The following PACS2 variants were observed in gnomAD, a reference collection of about 807,000 sequenced individuals.
PACS2 encodes phosphofurin acidic cluster sorting protein 2, also known as PACS1-like protein.
Under a neutral mutation model 113.0 loss-of-function variants are expected in PACS2, and 36 were observed. That is an observed-to-expected ratio of 0.32 (90% confidence interval 0.24 to 0.42). The LOEUF (loss-of-function observed/expected upper bound fraction) is 0.42, where lower values mean the gene tolerates loss of function less well. PACS2 is among the 10% of genes least tolerant of loss of function. PACS2 has a pLI of 1.00. For missense variants in PACS2, 1,015 were observed against 1,239.5 expected (o/e 0.82, Z 2.72); for synonymous variants, 589 against 536.1 (o/e 1.10, Z -1.36).
chr14:105,372,605 C>CT (rs1555409605), intron 8 of PACS2: 1 of 152,090 alleles, frequency 6.6e-6, no homozygotes, highest in Non-Finnish European at 1.5e-5. Context: ...CTGAAAGGTA[C>CT]TGTTAAAAGA....
intron 1 of PACS2, among the ~76,000 whole-genome samples, chr14:105,318,980 C>A (rs1394809800): frequency 6.7e-6 from 1 of 149,316 alleles, no homozygotes; most frequent in Non-Finnish European, 1.5e-5. Context: ...TTTTGAGAAG[C>A]TCTGTCGCCC....
chr14:105,362,366 G>A lies in PACS2; in HGVS notation c.424-4847G>A, dbSNP rs10152000. Among the ~76,000 whole-genome samples, 469 of 147,598 alleles carry A rather than the reference G, an allele frequency of 3.2e-3. 3 individuals are homozygous for A. Among genetic ancestry groups the A allele is most frequent in the Non-Finnish European group, 5.2e-3 (346 of 67,058 alleles). ...CTGGAGGTGGAGCTTGCAGTGAGCC[G>A]AGATCGCGCCACTGCACTCCAGCCT... On this transcript the variant is annotated intron_variant, in intron 4 of 24. Transcript: ENST00000447393.
At chr14:105,347,415 C>G (rs1454829699) in intron 1 of PACS2, among the ~76,000 whole-genome samples, 1 of 152,158 alleles carries the variant, frequency 6.6e-6, no homozygotes, top group Non-Finnish European at 1.5e-5. Context: ...CACGTGGCGG[C>G]CACTGTGGCA....
Position 105,383,435 on chromosome 14 carries a change from C to G in PACS2, c.1702C>G (p.Leu568Val), listed in dbSNP as rs142789946. 1 of 1,609,696 alleles carries G rather than the reference C, an allele frequency of 6.2e-7. No individual in the cohort carries two copies. Among genetic ancestry groups the G allele is most frequent in the Non-Finnish European group, 8.5e-7 (1 of 1,179,824 alleles). Reference protein sequence around the residue: ...AGAQHYLSAILRLFVEQLSHK... With the variant: ...AGAQHYLSAIVRLFVEQLSHK... ...AGCGCAGCATTACCTCAGTGCCATC[C>G]TGCGGCTCTTTGTGGAGCAGCTGTC... is the stretch of plus-strand genomic sequence containing the variant. The change falls in exon 16 of 25, where the codon CTG (leucine) becomes GTG (valine). Residue 568 changes from leucine (L) to valine (V), a missense_variant. Leu to Val is a conservative substitution (Grantham distance 32). This residue lies in a region of PACS2 where 859 missense variants were observed against 1,056.8 expected (regional missense o/e 0.81). Coordinates refer to ENST00000447393, the MANE Select transcript of PACS2 (RefSeq NM_001100913.3).
chr14:105,365,741 C>G lies in PACS2; in HGVS notation c.424-1472C>G, dbSNP rs1729561387. ...CCCAGCAAGGGCTCAGCATTTCTGACCGAGGGCTTCTGAGCTTCCAGGTTC... is the reference window on the plus strand; with the variant it reads ...CCCAGCAAGGGCTCAGCATTTCTGAGCGAGGGCTTCTGAGCTTCCAGGTTC... On this transcript the variant is annotated intron_variant, in intron 4 of 24. Transcript: ENST00000447393. The surrounding 1 kb of genome is among the most constrained non-coding windows in gnomAD (Gnocchi z 5.1). 6.6e-6 allele frequency among the ~76,000 whole-genome samples: 1 copy of G among 152,184 alleles called. No homozygotes were observed. Among genetic ancestry groups the G allele is most frequent in the African/African-American group, 2.4e-5 (1 of 41,448 alleles).
At chr14:105,342,658 G>T (rs2059777939) in intron 1 of PACS2, among the ~76,000 whole-genome samples, 1 of 151,968 alleles carries the variant, frequency 6.6e-6, no homozygotes, top group Non-Finnish European at 1.5e-5. Context: ...GGTAGGCCAG[G>T]CGCAGTGGCT....
upstream of PACS2, among the ~76,000 whole-genome samples, chr14:105,311,125 T>A (rs2058340914): frequency 6.6e-6 from 1 of 152,074 alleles, no homozygotes; most frequent in African/African-American, 2.4e-5. Flanking sequence ...ACTAATTTTT[T>A]GTATTTTTAG....
rs1433485973 is a variant in PACS2, at chr14:105,315,655, C to T, written c.119+618C>T. The T allele has an allele frequency of 6.6e-6, 1 of 152,280 alleles. No individual in the cohort carries two copies. Among genetic ancestry groups the T allele is most frequent in the African/African-American group, 2.4e-5 (1 of 41,466 alleles). 9.4% of individuals were successfully genotyped at this position (152,280 alleles called of 1,614,324 possible). ...ATTGCGGAAGACTGGCTGTTCTGCA[C>T]TTGGTAGGGGGGCGCCCGGTCGCCC... On this transcript the variant is annotated intron_variant, in intron 1 of 24. Coordinates refer to ENST00000447393, the MANE Select transcript of PACS2 (RefSeq NM_001100913.3). This position sits in a 1 kb window ranked among gnomAD's most constrained non-coding sequence, Gnocchi z 4.4.
intron 1 of PACS2, among the ~76,000 whole-genome samples, chr14:105,326,745 G>A (rs1325090852): frequency 6.6e-6 from 1 of 152,216 alleles, no homozygotes; most frequent in East Asian, 1.9e-4. Context: ...CCACCCTGAG[G>A]TCTGGGCTCT....
At chr14:105,359,634 C>T (rs1201506544) in intron 4 of PACS2, among the ~76,000 whole-genome samples, 1 of 144,102 alleles carries the variant, frequency 6.9e-6, no homozygotes, top group African/African-American at 2.6e-5. Flanking sequence ...CTCTGTCGCC[C>T]AGGCTGGAGT....
intron 15 of PACS2, 72 bp from the exon 16 acceptor site, chr14:105,383,287 G>C: frequency 6.5e-7 from 1 of 1,548,940 alleles, no homozygotes; most frequent in Non-Finnish European, 8.8e-7. Context: ...GCTCACACTG[G>C]CATCCTTGGA....
intron 1 of PACS2, among the ~76,000 whole-genome samples, chr14:105,322,649 T>C (rs2140852733): frequency 6.6e-6 from 1 of 152,356 alleles, no homozygotes; most frequent in Non-Finnish European, 1.5e-5. Context: ...CACTTTATTC[T>C]AATCCAACCC....
chr14:105,369,839 A>G lies in PACS2; in HGVS notation c.742-2A>G, dbSNP rs1555408908. 3 of 1,593,102 alleles carry G rather than the reference A, an allele frequency of 1.9e-6. No individual in the cohort carries two copies. Among genetic ancestry groups the G allele is most frequent in the South Asian group, 1.1e-5 (1 of 88,722 alleles). On this transcript the variant is annotated splice_acceptor_variant, in intron 7 of 24. Transcript: ENST00000447393. LOFTEE classifies it high-confidence loss of function. ...TCTGACTCTGCACCGCCTGTCTTGC[A>G]GCAACAGAACTTCAAGCAGAAAGTG... is the stretch of plus-strand genomic sequence containing the variant.
Position 105,391,377 on chromosome 14 carries a change from T to G in PACS2, c.2119+128T>G, listed in dbSNP as rs1026465570. 6.7e-6 allele frequency: 5 copies of G among 751,832 alleles called. No homozygotes were observed. In the African/African-American group the frequency reaches 8.6e-5, roughly 13 times the overall value. 46.6% of individuals were successfully genotyped at this position (751,832 alleles called of 1,614,324 possible). A position where few individuals can be genotyped will look rare whatever the true frequency, so the allele number is the denominator to read the frequency against. The stretch of plus-strand genomic sequence containing the variant: ...GAGCCGCCACGTCCCAGTCTTGCTG[T>G]GGTGCTTCTGTCCTGCGGGGGGTTC... On this transcript the variant is annotated intron_variant, in intron 21 of 24. Transcript: ENST00000447393.
intron 13 of PACS2, 117 bp downstream of exon 13, chr14:105,382,175 G>A (rs1761061259): frequency 8.3e-7 from 1 of 1,209,330 alleles, no homozygotes; most frequent in Non-Finnish European, 1.1e-6. Context: ...CACAGAGCAT[G>A]CCTGGGCTTT....
In PACS2 at chr14:105,358,207, A is replaced by G. The variant is rs1261293646; in HGVS notation, c.423+3030A>G. ...GAGGAAGTGGAGTCCAAGGTGGCCCAGGGTAGGGGCCGGGCCTCATGGGTG... is the reference window on the plus strand; with the variant it reads ...GAGGAAGTGGAGTCCAAGGTGGCCCGGGGTAGGGGCCGGGCCTCATGGGTG... On this transcript the variant is annotated intron_variant, in intron 4 of 24. Coordinates refer to ENST00000447393, the MANE Select transcript of PACS2 (RefSeq NM_001100913.3). The surrounding 1 kb of genome is among the most constrained non-coding windows in gnomAD (Gnocchi z 4.9). Among the ~76,000 whole-genome samples the G allele has an allele frequency of 6.6e-6, 1 of 152,184 alleles. No homozygotes were observed. The highest frequency in any genetic ancestry group is 2.4e-5 in the African/African-American group (1 of 41,442).
At chr14:105,380,226 C>T (rs1195417056) in intron 11 of PACS2, 72 bp downstream of exon 11, 66 of 1,331,834 alleles carry the variant, frequency 5.0e-5, no homozygotes, top group Non-Finnish European at 6.6e-5. Flanking sequence ...AGGGTCTGAC[C>T]TGGAGGGGCG....
intron 1 of PACS2, among the ~76,000 whole-genome samples, chr14:105,325,042 C>T (rs1257442342): frequency 3.3e-5 from 5 of 152,072 alleles, no homozygotes; most frequent in African/African-American, 1.2e-4. Context: ...TTCCTCAGCA[C>T]CCCCTGGCCA....
intron 1 of PACS2, among the ~76,000 whole-genome samples, chr14:105,303,764 T>G (rs1350410496): frequency 3.3e-5 from 5 of 152,228 alleles, no homozygotes; most frequent in Non-Finnish European, 7.3e-5. Context: ...TTGTTTTGTT[T>G]CTAAATGTTG....
Sources: allele counts gnomAD v4.1 joint callset (sites outside exome capture counted in the v4.1 genomes callset), GRCh38; gene constraint gnomAD v4.1.1; regional missense constraint gnomAD v4.1.1; non-coding constraint Gnocchi (gnomAD v3.1); transcripts MANE v1.5; gene names NCBI Gene and HGNC (gene_info 2026-07-23, HGNC 2026-07-21).